The following NFAM1 variants were observed in gnomAD, a reference collection of about 807,000 sequenced individuals.
NFAM1 encodes NFAT activation molecule 1.
A neutral mutation model predicts 29.0 loss-of-function variants in NFAM1; 17 were observed. The observed-to-expected ratio is 0.59, with a 90% confidence interval of 0.40 to 0.88. NFAM1 has a LOEUF of 0.88. NFAM1 is among the 40% of genes least tolerant of loss of function. The pLI, the probability that NFAM1 is intolerant of heterozygous loss-of-function variation, is 0.00. For synonymous variants in NFAM1, 175 were observed against 147.2 expected (o/e 1.19, Z -1.36); for missense variants, 324 against 344.6 (o/e 0.94, Z 0.47).
At chr22:42,410,565 A>T in intron 2 of NFAM1, 1 of 273,010 alleles carries the variant, frequency 3.7e-6, no homozygotes, top group South Asian at 2.7e-5. Context: ...AGGCTGAGGC[A>T]TGAGAATCGC....
At chr22:42,436,419 T>C (rs1247946630), upstream of NFAM1, among the ~76,000 whole-genome samples, 1 of 152,088 alleles carries the variant, frequency 6.6e-6, no homozygotes, top group East Asian at 1.9e-4. Flanking sequence ...ATCCACCCTC[T>C]CTCTCAAACA....
rs1358243007 is a variant in NFAM1, at chr22:42,385,006, T to A, written c.*155A>T. On this transcript the variant is annotated 3_prime_UTR_variant, in exon 6 of 6. Coordinates refer to ENST00000329021, the MANE Select transcript of NFAM1 (RefSeq NM_145912.8). ...GTTGGGGCATAGAATGGGGGGGCAG[T>A]GGGGCCGGCCAAGACAGGAAGGGCC... The A allele has an allele frequency of 1.4e-6, 1 of 701,084 alleles. No homozygotes were observed. The highest frequency in any genetic ancestry group is 2.6e-6 in the Non-Finnish European group (1 of 387,956). The allele number at this position is 701,084 out of a possible 1,614,324, so 43.4% of individuals were successfully genotyped here.
At chr22:42,416,697 C>G (rs569387746) in intron 1 of NFAM1, among the ~76,000 whole-genome samples, 1 of 152,156 alleles carries the variant, frequency 6.6e-6, no homozygotes, top group Non-Finnish European at 1.5e-5. Flanking sequence ...GGGGCTTTAG[C>G]GGGACCCTGG....
intron 1 of NFAM1, among the ~76,000 whole-genome samples, chr22:42,425,139 T>G (rs1930582628): frequency 6.6e-6 from 1 of 152,058 alleles, no homozygotes; most frequent in African/African-American, 2.4e-5. Context: ...GCCAGGCTGG[T>G]CTCGAACTCC....
the NFAM1 span, among the ~76,000 whole-genome samples, chr22:42,437,426 A>G: frequency 6.6e-6 from 1 of 152,016 alleles, no homozygotes; most frequent in Non-Finnish European, 1.5e-5. Context: ...TACAGGTGTG[A>G]CCTACCATAC....
intron 3 of NFAM1, among the ~76,000 whole-genome samples, chr22:42,408,282 T>C (rs1490851372): frequency 6.6e-6 from 1 of 152,204 alleles, no homozygotes; most frequent in Non-Finnish European, 1.5e-5. Flanking sequence ...TCAGTGTTTG[T>C]TGAATGAATG....
Position 42,413,923 on chromosome 22 carries a change from G to GTAT in NFAM1, c.122-2188_122-2187insATA, listed in dbSNP as rs1569232896. 3.3e-5 allele frequency among the ~76,000 whole-genome samples: 5 copies of GTAT among 152,110 alleles called. No individual in the cohort carries two copies. In the East Asian group the frequency reaches 9.7e-4, roughly 29 times the overall value. Reference sequence around the variant, plus strand: ...AAAAATATTAGCCAGGTGTGGTGGTGGGCACCTGTAATCCCAGCTACTCAG... The same window carrying GTAT: ...AAAAATATTAGCCAGGTGTGGTGGTGTATGGCACCTGTAATCCCAGCTACTCAG... On this transcript the variant is annotated intron_variant, in intron 1 of 5. Coordinates refer to ENST00000329021, the MANE Select transcript of NFAM1 (RefSeq NM_145912.8).
chr22:42,435,849 A>G (rs1223732590), upstream of NFAM1, among the ~76,000 whole-genome samples: 1 of 147,608 alleles, frequency 6.8e-6, no homozygotes. Flanking sequence ...GACAGGCTCA[A>G]AAAAGACTCC....
At chr22:42,425,007 T>C (rs190079467) in intron 1 of NFAM1, among the ~76,000 whole-genome samples, 1 of 152,022 alleles carries the variant, frequency 6.6e-6, no homozygotes, top group Non-Finnish European at 1.5e-5. Context: ...CAGCAAACTC[T>C]ACCTCCCAGG....
intron 4 of NFAM1, among the ~76,000 whole-genome samples, chr22:42,391,156 G>T (rs1394991297): frequency 6.6e-6 from 1 of 152,140 alleles, no homozygotes. Flanking sequence ...GACCTGCTCC[G>T]CGGAGGGGCT....
intron 4 of NFAM1, among the ~76,000 whole-genome samples, chr22:42,397,247 C>A (rs1165485346): frequency 6.6e-6 from 1 of 152,172 alleles, no homozygotes. Context: ...CTACGCTGCA[C>A]CCACCTTCCA....
At chr22:42,418,741 A>G (rs902307401) in intron 1 of NFAM1, among the ~76,000 whole-genome samples, 5 of 151,892 alleles carry the variant, frequency 3.3e-5, no homozygotes, top group Non-Finnish European at 5.9e-5. Context: ...CTGCCGGGTT[A>G]AATGACATGC....
chr22:42,424,911 G>GTATTTATTTATTTATTTATT (rs67558344), intron 1 of NFAM1, among the ~76,000 whole-genome samples: 2,126 of 147,890 alleles, frequency 0.014, 56 homozygotes, highest in African/African-American at 0.051. Context: ...CTTTCTTTTC[G>GTATTTATTTATTTATTTATT]TATTTATTTA....
chr22:42,401,010 G>A (rs912667664), intron 3 of NFAM1, among the ~76,000 whole-genome samples: 1 of 152,204 alleles, frequency 6.6e-6, no homozygotes, highest in African/African-American at 2.4e-5. Context: ...CCTCCTACGC[G>A]CTGGGCCTGG....
chr22:42,413,879 C>A (rs1043987843), intron 1 of NFAM1, among the ~76,000 whole-genome samples: 5 of 152,134 alleles, frequency 3.3e-5, no homozygotes, highest in Admixed American at 6.5e-5. Flanking sequence ...CATGGCAAAA[C>A]CCCGTCTCTA....
intron 4 of NFAM1, among the ~76,000 whole-genome samples, chr22:42,390,816 C>CAAAAAAA (rs11343542): frequency 1.9e-5 from 2 of 107,608 alleles, no homozygotes; most frequent in Non-Finnish European, 3.9e-5. Flanking sequence ...GACTCCGTCT[C>CAAAAAAA]AAAAAAAAAA....
intron 2 of NFAM1, among the ~76,000 whole-genome samples, chr22:42,410,725 A>G (rs7287634): frequency 6.6e-6 from 1 of 151,806 alleles, no homozygotes; most frequent in African/African-American, 2.4e-5. Flanking sequence ...TGTATTATAC[A>G]TGAGCCAAGT....
At chr22:42,389,973 C>T (rs1929278973) in intron 4 of NFAM1, among the ~76,000 whole-genome samples, 1 of 152,150 alleles carries the variant, frequency 6.6e-6, no homozygotes, top group South Asian at 2.1e-4. Flanking sequence ...AGCAATTCAG[C>T]TCTAGACCAG....
intron 1 of NFAM1, among the ~76,000 whole-genome samples, chr22:42,423,453 C>A (rs1930514791): frequency 6.6e-6 from 1 of 152,158 alleles, no homozygotes; most frequent in African/African-American, 2.4e-5. Context: ...TGTAGAAATT[C>A]TAAAAATGCC....
Sources: allele counts gnomAD v4.1 joint callset (sites outside exome capture counted in the v4.1 genomes callset), GRCh38; gene constraint gnomAD v4.1.1; transcripts MANE v1.5; gene names NCBI Gene and HGNC (gene_info 2026-07-23, HGNC 2026-07-21).